The following AGAP1 variants were observed in gnomAD, a reference collection of about 807,000 sequenced individuals.
AGAP1 encodes the protein ArfGAP with GTPase domain, ankyrin repeat and PH domain 1.
AGAP1 carries 29 observed loss-of-function variants against 105.3 expected under a neutral mutation model. The ratio of observed to expected loss-of-function variants is 0.28; its 90% confidence interval spans 0.21 to 0.38. The LOEUF is 0.38. Ranked by LOEUF, AGAP1 falls within the 10% of genes least tolerant of loss-of-function variation. The pLI, the probability that AGAP1 is intolerant of heterozygous loss-of-function variation, is 1.00. For missense variants in AGAP1, 998 were observed against 1,165.1 expected (o/e 0.86, Z 2.09); for synonymous variants, 509 against 485.9 (o/e 1.05, Z -0.63).
At chr2:235,546,627 C>T (rs957197265) in intron 1 of AGAP1, among the ~76,000 whole-genome samples, 13 of 151,822 alleles carry the variant, frequency 8.6e-5, no homozygotes, top group African/African-American at 3.1e-4. Context: ...AGTGTGGGGA[C>T]GTGGCTGGCG....
intron 1 of AGAP1, among the ~76,000 whole-genome samples, chr2:235,554,603 A>G (rs1359277276): frequency 6.6e-6 from 1 of 152,250 alleles, no homozygotes; most frequent in Non-Finnish European, 1.5e-5. Context: ...AAGTGCCTTG[A>G]AAAATGCCTT....
chr2:235,757,997 G>A (rs1269148018), intron 6 of AGAP1, among the ~76,000 whole-genome samples: 1 of 152,178 alleles, frequency 6.6e-6, no homozygotes, highest in African/African-American at 2.4e-5. Context: ...TGCTGTTAAA[G>A]GATGTATCAG....
chr2:235,654,707 C>T (rs543721203), intron 1 of AGAP1, among the ~76,000 whole-genome samples: 2 of 152,246 alleles, frequency 1.3e-5, no homozygotes, highest in South Asian at 2.1e-4. Flanking sequence ...CTAATCATAC[C>T]CACAGGATTT....
At chr2:235,924,620 C>CG (rs1426750083) in intron 11 of AGAP1, among the ~76,000 whole-genome samples, 2 of 152,200 alleles carry the variant, frequency 1.3e-5, no homozygotes, top group Non-Finnish European at 2.9e-5. Flanking sequence ...GAATGACAGT[C>CG]TCTTGCAGCA....
chr2:235,641,351 C>A (rs1177199228), intron 1 of AGAP1, among the ~76,000 whole-genome samples: 7 of 148,628 alleles, frequency 4.7e-5, no homozygotes, highest in Admixed American at 2.7e-4. Context: ...TTCCTTCCTT[C>A]CTTTTTTTTT....
intron 16 of AGAP1, among the ~76,000 whole-genome samples, chr2:236,064,042 G>A (rs1472575639): frequency 6.6e-6 from 1 of 152,174 alleles, no homozygotes; most frequent in Non-Finnish European, 1.5e-5. Flanking sequence ...CTGCCACAAT[G>A]TCTTCATGCT....
chr2:235,516,161 A>G (rs1186978376), intron 1 of AGAP1, among the ~76,000 whole-genome samples: 1 of 151,646 alleles, frequency 6.6e-6, no homozygotes, highest in Non-Finnish European at 1.5e-5. Flanking sequence ...CATGGTTGGA[A>G]CGTGCTGTCT....
Position 235,843,687 on chromosome 2 carries a change from C to G in AGAP1, c.1050+36356C>G, listed in dbSNP as rs191110795. Reference sequence around the variant, plus strand: ...GATCTCTGTTTTAAGGCCAGCTCTCCCTAGATGTGTAGCCACTGGGATCTT... The same window carrying G: ...GATCTCTGTTTTAAGGCCAGCTCTCGCTAGATGTGTAGCCACTGGGATCTT... On this transcript the variant is annotated intron_variant, in intron 9 of 17. Coordinates refer to ENST00000304032, the MANE Select transcript of AGAP1 (RefSeq NM_001037131.3). The surrounding 1 kb of genome is among the most constrained non-coding windows in gnomAD (Gnocchi z 5.9). 9.8e-4 allele frequency among the ~76,000 whole-genome samples: 149 copies of G among 152,310 alleles called. No homozygotes were observed. The highest frequency in any genetic ancestry group is 3.4e-3 in the African/African-American group (143 of 41,572).
chr2:236,028,391 C>T (rs967453444), intron 13 of AGAP1, among the ~76,000 whole-genome samples: 3 of 152,182 alleles, frequency 2.0e-5, no homozygotes, highest in Non-Finnish European at 2.9e-5. Context: ...GCTGCGGATA[C>T]CAAGTGGTCC....
intron 6 of AGAP1, among the ~76,000 whole-genome samples, chr2:235,791,696 C>T (rs535729527): frequency 5.9e-5 from 9 of 152,182 alleles, no homozygotes; most frequent in South Asian, 4.2e-4. Context: ...TACAGGCACA[C>T]GCCACAATGC....
chr2:235,648,167 ATC>A (rs1408642128), intron 1 of AGAP1, among the ~76,000 whole-genome samples: 1 of 152,036 alleles, frequency 6.6e-6, no homozygotes, highest in Non-Finnish European at 1.5e-5. Context: ...TGCTGCCTCC[ATC>A]TCTTTCTCCC....
rs1047469062 is a variant in AGAP1, at chr2:235,612,448, C to T, written c.164-96731C>T. Among the ~76,000 whole-genome samples, 57 of 152,188 alleles carry T rather than the reference C, an allele frequency of 3.7e-4. No individual in the cohort carries two copies. Among genetic ancestry groups the T allele is most frequent in the Non-Finnish European group, 3.7e-4 (25 of 68,036 alleles). On this transcript the variant is annotated intron_variant, in intron 1 of 17. Coordinates refer to ENST00000304032, the MANE Select transcript of AGAP1 (RefSeq NM_001037131.3). The surrounding 1 kb of genome is among the most constrained non-coding windows in gnomAD (Gnocchi z 4.3). ...CCTGGTAATGAGATCTCAGGGGCAG[C>T]GCCTAGAGTGCTGGGCCCTTCCAGA...
At chr2:235,869,167 T>C (rs1461418874) in intron 9 of AGAP1, among the ~76,000 whole-genome samples, 1 of 152,130 alleles carries the variant, frequency 6.6e-6, no homozygotes, top group Admixed American at 6.6e-5. Context: ...GGAGGCAGCA[T>C]AGCAGCGGGG....
chr2:235,902,636 C>T (rs1369888361), intron 10 of AGAP1, among the ~76,000 whole-genome samples: 4 of 152,170 alleles, frequency 2.6e-5, no homozygotes, highest in African/African-American at 9.7e-5. Context: ...TACAAGTTTG[C>T]CACATACATA....
intron 1 of AGAP1, among the ~76,000 whole-genome samples, chr2:235,496,672 G>C (rs1388753005): frequency 6.6e-6 from 1 of 152,090 alleles, no homozygotes; most frequent in African/African-American, 2.4e-5. Flanking sequence ...TCCCATTCTT[G>C]AAGCTGAGCT....
In AGAP1 at chr2:235,719,211, G is replaced by C. The variant is rs557081289; in HGVS notation, c.310+1567G>C. Among the ~76,000 whole-genome samples the C allele has an allele frequency of 6.6e-6, 1 of 152,192 alleles. No individual in the cohort carries two copies. Among genetic ancestry groups the C allele is most frequent in the African/African-American group, 2.4e-5 (1 of 41,448 alleles). ...TGTTGCTGTTGCTCTGGCAGTCTCT[G>C]GCCCTGGGGTTCAGGTGTCTGGTGG... On this transcript the variant is annotated intron_variant, in intron 3 of 17. Transcript: ENST00000304032. The surrounding 1 kb of genome is among the most constrained non-coding windows in gnomAD (Gnocchi z 4.9).
intron 9 of AGAP1, among the ~76,000 whole-genome samples, chr2:235,840,282 C>T (rs1188830518): frequency 6.6e-6 from 1 of 150,722 alleles, no homozygotes; most frequent in Non-Finnish European, 1.5e-5. Context: ...GCTTCAGCCG[C>T]TGTCCATTCT....
Position 235,733,428 on chromosome 2 carries a change from C to T in AGAP1, c.311-7535C>T, listed in dbSNP as rs890127289. 6.6e-6 allele frequency among the ~76,000 whole-genome samples: 1 copy of T among 152,194 alleles called. No individual in the cohort carries two copies. Among genetic ancestry groups the T allele is most frequent in the Non-Finnish European group, 1.5e-5 (1 of 68,040 alleles). Reference sequence around the variant, plus strand: ...GAGCCTCCGCCCAGCTCAAATCTTCCTTTTTGTTCCTTAGAGCCTGCGTTT... The same window carrying T: ...GAGCCTCCGCCCAGCTCAAATCTTCTTTTTTGTTCCTTAGAGCCTGCGTTT... On this transcript the variant is annotated intron_variant, in intron 3 of 17. Coordinates refer to ENST00000304032, the MANE Select transcript of AGAP1 (RefSeq NM_001037131.3). This position sits in a 1 kb window ranked among gnomAD's most constrained non-coding sequence, Gnocchi z 5.0.
rs1051035009 is a variant in AGAP1, at chr2:236,005,306, AT to A, written c.1646-31247del. Among the ~76,000 whole-genome samples the A allele has an allele frequency of 4.0e-5, 6 of 151,672 alleles. No homozygotes were observed. Among genetic ancestry groups the A allele is most frequent in the Non-Finnish European group, 8.8e-5 (6 of 67,930 alleles). The stretch of plus-strand genomic sequence containing the variant: ...GACTACAGGAGTGTGCCACCGGCTA[AT>A]TTTTTTTATTTTTGGTAGAAACGTT... On this transcript the variant is annotated intron_variant, in intron 13 of 17. Transcript: ENST00000304032. This position sits in a 1 kb window ranked among gnomAD's most constrained non-coding sequence, Gnocchi z 4.1.
Sources: allele counts gnomAD v4.1 joint callset (sites outside exome capture counted in the v4.1 genomes callset), GRCh38; gene constraint gnomAD v4.1.1; non-coding constraint Gnocchi (gnomAD v3.1); transcripts MANE v1.5; gene names NCBI Gene and HGNC (gene_info 2026-07-23, HGNC 2026-07-21).